Variants in SLIT2 observed in about 807,000 individuals in gnomAD.
SLIT2 encodes slit guidance ligand 2.
A neutral mutation model predicts 185.7 loss-of-function variants in SLIT2; 41 were observed. The observed-to-expected ratio is 0.22, with a 90% confidence interval of 0.17 to 0.29. The LOEUF (loss-of-function observed/expected upper bound fraction) is 0.29, where lower values mean the gene tolerates loss of function less well. Ranked by LOEUF, SLIT2 falls within the 10% of genes least tolerant of loss-of-function variation. The probability of loss-of-function intolerance (pLI) is 1.00; values close to 1 mark genes in which losing one functional copy is unlikely to be tolerated. For missense variants in SLIT2, 1,571 were observed against 1,909.0 expected (o/e 0.82, Z 3.30); for synonymous variants, 693 against 680.2 (o/e 1.02, Z -0.29).
intron 4 of SLIT2, among the ~76,000 whole-genome samples, chr4:20,448,535 G>A (rs925843232): frequency 6.6e-6 from 1 of 152,126 alleles, no homozygotes; most frequent in African/African-American, 2.4e-5. Context: ...TGGAGAGGTT[G>A]GTCTTGAATT....
At chr4:20,544,847 G>C (rs954246339) in intron 21 of SLIT2, among the ~76,000 whole-genome samples, 1 of 152,036 alleles carries the variant, frequency 6.6e-6, no homozygotes, top group African/African-American at 2.4e-5. Context: ...AATAAAGGGA[G>C]AGTGCTGAAC....
chr4:20,565,455 T>C (rs1239350010), intron 26 of SLIT2, among the ~76,000 whole-genome samples: 1 of 152,024 alleles, frequency 6.6e-6, no homozygotes, highest in Admixed American at 6.6e-5. Flanking sequence ...TATTGTTAGG[T>C]ATTATGCTAA....
intron 7 of SLIT2, among the ~76,000 whole-genome samples, chr4:20,488,124 T>A (rs922967533): frequency 1.3e-5 from 2 of 152,172 alleles, no homozygotes; most frequent in Admixed American, 1.3e-4. Context: ...TTGGAAGCAA[T>A]CCATGATCTT....
chr4:20,588,195 T>C (rs2148946076), intron 29 of SLIT2, among the ~76,000 whole-genome samples: 1 of 152,308 alleles, frequency 6.6e-6, no homozygotes, highest in Admixed American at 6.5e-5. Context: ...CCAGAAAACT[T>C]ATAGAAGCAA....
rs771537580 is a variant in SLIT2, at chr4:20,568,959, G to A, written c.3043G>A (p.Asp1015Asn). The change falls in exon 29 of 37, where the codon GAT becomes AAT. Residue 1015 changes from aspartate to asparagine, a missense_variant. Around this residue, in one of 3 missense-constraint regions of SLIT2, gnomAD observed 1,202 missense variants for 1,416.4 expected, o/e 0.85. Transcript: ENST00000504154. ...NDCENNSTCV[D>N]GINNYTCLCP... ...CTGTGAAAATAATTCTACATGTGTCGATGGCATTAATAACTACACATGCCT... is the reference window on the plus strand; with the variant it reads ...CTGTGAAAATAATTCTACATGTGTCAATGGCATTAATAACTACACATGCCT... 33 of 1,612,288 alleles carry A rather than the reference G, an allele frequency of 2.0e-5. No individual in the cohort carries two copies. The highest frequency in any genetic ancestry group is 2.5e-5 in the Non-Finnish European group (29 of 1,178,680).
chr4:20,523,899 A>G lies in SLIT2; in HGVS notation c.1270A>G (p.Thr424Ala). 2 of 1,614,088 alleles carry G rather than the reference A, an allele frequency of 1.2e-6. No homozygotes were observed. The highest frequency in any genetic ancestry group is 8.5e-7 in the Non-Finnish European group (1 of 1,180,004). Residue 424 changes from threonine to alanine, a missense_variant, in exon 13 of 37, where the codon ACT (threonine) becomes GCT (alanine). Thr to Ala is a moderately conservative substitution (Grantham distance 58). Transcript: ENST00000504154. ...CTTTTCACCTCTTCGGGCCATTCAA[A>G]CTATGTATGTATAAGTGATTTGGAT... ...GTFSPLRAIQ[T>A]MHLAQNPFIC...
At chr4:20,566,110 T>C (rs1458685364) in intron 26 of SLIT2, among the ~76,000 whole-genome samples, 1 of 152,038 alleles carries the variant, frequency 6.6e-6, no homozygotes, top group East Asian at 1.9e-4. Context: ...TATAGCTTTT[T>C]GGTGAAGGCA....
intron 33 of SLIT2, among the ~76,000 whole-genome samples, chr4:20,603,814 C>G (rs1220162149): frequency 6.6e-6 from 1 of 152,132 alleles, no homozygotes; most frequent in African/African-American, 2.4e-5. Flanking sequence ...AGAAACTCAA[C>G]AAAGATTATC....
chr4:20,361,832 A>C (rs1169487266), intron 4 of SLIT2, among the ~76,000 whole-genome samples: 1 of 151,934 alleles, frequency 6.6e-6, no homozygotes, highest in Non-Finnish European at 1.5e-5. Context: ...AGGTTTATTG[A>C]TGTATAATTT....
intron 4 of SLIT2, among the ~76,000 whole-genome samples, chr4:20,430,208 C>T (rs970438758): frequency 2.0e-5 from 3 of 152,046 alleles, no homozygotes; most frequent in Middle Eastern, 3.2e-3. Context: ...TCATATATTA[C>T]AGTAATAATT....
chr4:20,466,872 A>G (rs897667323), intron 4 of SLIT2, among the ~76,000 whole-genome samples: 1 of 152,114 alleles, frequency 6.6e-6, no homozygotes, highest in African/African-American at 2.4e-5. Flanking sequence ...TTTCAACTCT[A>G]CTATGTGGTA....
intron 4 of SLIT2, chr4:20,364,231 A>G (rs1029870040): frequency 6.1e-6 from 6 of 980,916 alleles, no homozygotes; most frequent in Non-Finnish European, 7.3e-6. Context: ...GAAATGGAAT[A>G]ATGCATCCAC....
chr4:20,547,507 C>A (rs968845187), intron 22 of SLIT2, among the ~76,000 whole-genome samples: 3 of 151,838 alleles, frequency 2.0e-5, no homozygotes, highest in African/African-American at 7.3e-5. Flanking sequence ...GTATAAAGCT[C>A]CTCTCAGATT....
At chr4:20,473,122 T>A (rs1715740826) in intron 5 of SLIT2, among the ~76,000 whole-genome samples, 1 of 151,804 alleles carries the variant, frequency 6.6e-6, no homozygotes, top group South Asian at 2.1e-4. Context: ...TGCTTTCTGC[T>A]GCTTTAATTT....
chr4:20,386,962 C>G (rs1195319303), intron 4 of SLIT2, among the ~76,000 whole-genome samples: 2 of 152,160 alleles, frequency 1.3e-5, no homozygotes, highest in African/African-American at 2.4e-5. Context: ...GGGGATTCCT[C>G]TCAGTATGAT....
chr4:20,606,454 C>T (rs1049971751), intron 33 of SLIT2, among the ~76,000 whole-genome samples: 4 of 150,564 alleles, frequency 2.7e-5, no homozygotes, highest in African/African-American at 9.8e-5. Context: ...CGTACTCCAG[C>T]CTGGCTGACA....
chr4:20,598,003 C>A (rs1202270696), intron 32 of SLIT2, among the ~76,000 whole-genome samples: 3 of 152,176 alleles, frequency 2.0e-5, no homozygotes, highest in Non-Finnish European at 4.4e-5. Context: ...AAATCTGCAG[C>A]AAAGAAAGTT....
At chr4:20,351,476 C>T (rs1332239531) in intron 4 of SLIT2, among the ~76,000 whole-genome samples, 1 of 152,170 alleles carries the variant, frequency 6.6e-6, no homozygotes, top group Non-Finnish European at 1.5e-5. Context: ...ATAAATTGGC[C>T]TTTCTGGGCA....
At chr4:20,560,492 T>C (rs1442358940) in intron 26 of SLIT2, among the ~76,000 whole-genome samples, 1 of 151,886 alleles carries the variant, frequency 6.6e-6, no homozygotes, top group Non-Finnish European at 1.5e-5. Context: ...CCATGACTTG[T>C]CTTTATAACC....
Sources: allele counts gnomAD v4.1 joint callset (sites outside exome capture counted in the v4.1 genomes callset), GRCh38; gene constraint gnomAD v4.1.1; regional missense constraint gnomAD v4.1.1; transcripts MANE v1.5; gene names NCBI Gene and HGNC (gene_info 2026-07-23, HGNC 2026-07-21).